LAMA5: variants seen among roughly 807,000 people sequenced by gnomAD.
LAMA5 encodes laminin subunit alpha-5.
LAMA5 carries 260 observed loss-of-function variants against 433.4 expected under a neutral mutation model. The observed-to-expected ratio is 0.60, with a 90% CI of 0.54 to 0.66. The LOEUF is 0.66. Among genes scored for constraint, LAMA5 ranks in the 30% least tolerant of loss-of-function variants. LAMA5 has a pLI of 0.00. For missense variants in LAMA5, 5,378 were observed against 5,258.5 expected (o/e 1.02, Z -0.70); for synonymous variants, 2,620 against 2,226.6 (o/e 1.18, Z -4.97).
Position 62,353,188 on chromosome 20 carries a change from G to A in LAMA5, c.514C>T (p.Leu172=), listed in dbSNP as rs776195083. 2 of 1,585,374 alleles carry A rather than the reference G, an allele frequency of 1.3e-6. No homozygotes were observed. The highest frequency in any genetic ancestry group is 2.3e-5 in the East Asian group (1 of 43,366). ...ANSPRPDLWV[L]ERSMDFGRTY... is the part of the protein sequence containing the mutation. ...CGGCCGAAGTCCATGGACCGCTCCAGCACCCAGAGGTCCGGCCGGGGTGAG... is the reference window on the plus strand; with the variant it reads ...CGGCCGAAGTCCATGGACCGCTCCAACACCCAGAGGTCCGGCCGGGGTGAG... The change falls in exon 3 of 80, where the codon CTG becomes TTG. Residue 172 remains leucine, a synonymous_variant. Coordinates refer to ENST00000252999, the MANE Select transcript of LAMA5 (RefSeq NM_005560.6).
intron 56 of LAMA5, 48 bp downstream of exon 56, chr20:62,316,834 G>A: frequency 6.5e-7 from 1 of 1,544,328 alleles, no homozygotes; most frequent in Non-Finnish European, 8.7e-7. Flanking sequence ...GGAGGTGCAG[G>A]CAGTGGGGGC....
chr20:62,363,237 G>T (rs1016430735), intron 1 of LAMA5, among the ~76,000 whole-genome samples: 1 of 152,220 alleles, frequency 6.6e-6, no homozygotes, highest in Non-Finnish European at 1.5e-5. Context: ...CGGCCCCAGA[G>T]TGGACGTGTG....
At chr20:62,311,831 C>T in intron 70 of LAMA5, 47 bp from the exon 71 acceptor site, 1 of 1,554,098 alleles carries the variant, frequency 6.4e-7, no homozygotes, top group Non-Finnish European at 8.7e-7. Flanking sequence ...ACCCTGCCCA[C>T]CCCCACCTCA....
At position 62,312,930 on chromosome 20, in the gene LAMA5, G is replaced by A. The variant is rs769696588; in HGVS notation, c.9036C>T (p.Val3012=). 1.3e-6 allele frequency: 2 copies of A among 1,581,094 alleles called. No individual in the cohort carries two copies. Among genetic ancestry groups the A allele is most frequent in the Admixed American group, 1.7e-5 (1 of 58,118 alleles). The change falls in exon 66 of 80, where the codon GTC becomes GTT. Residue 3012 remains valine, a synonymous_variant. Transcript: ENST00000252999. ...TCAGGGGCGGTGGGGGCTGCAGTGG[G>A]ACGGCCTTTTTCAGGCCAGCCCCAA... ...YDFGAGLKKA[V]PLQPPPPLTS...
intron 6 of LAMA5, among the ~76,000 whole-genome samples, chr20:62,348,954 G>A (rs1983774555): frequency 6.6e-6 from 1 of 152,122 alleles, no homozygotes; most frequent in African/African-American, 2.4e-5. Context: ...AGAAAGAATG[G>A]CCAAGGATGG....
chr20:62,313,577 C>T (rs966087790), intron 63 of LAMA5, 72 bp downstream of exon 63: 38 of 1,577,626 alleles, frequency 2.4e-5, no homozygotes, highest in African/African-American at 1.5e-4. Flanking sequence ...AAAGAACCCG[C>T]GGCTCTCCAG....
At position 62,309,314 on chromosome 20, in the gene LAMA5, A is replaced by G; in HGVS notation, c.*22T>C. 1 of 1,589,162 alleles carries G rather than the reference A, an allele frequency of 6.3e-7. No individual in the cohort carries two copies. The highest frequency in any genetic ancestry group is 8.5e-7 in the Non-Finnish European group (1 of 1,175,894). On this transcript the variant is annotated 3_prime_UTR_variant, in exon 80 of 80. Transcript: ENST00000252999. Reference sequence around the variant, plus strand: ...GTGAGGCAGCTGCAGGGGCCTGACCAGGGGCCGGGGTTGGCTGTGTCCTAG... The same window carrying G: ...GTGAGGCAGCTGCAGGGGCCTGACCGGGGGCCGGGGTTGGCTGTGTCCTAG...
At chr20:62,317,200 G>T in intron 55 of LAMA5, 145 bp downstream of exon 55, 2 of 1,174,758 alleles carry the variant, frequency 1.7e-6, no homozygotes, top group Non-Finnish European at 2.3e-6. Context: ...CTGGGCCCCA[G>T]CTTGCCGTGG....
In LAMA5 at chr20:62,312,627, C is replaced by T. The variant is rs762804039; in HGVS notation, c.9227+5G>A. On this transcript the variant is annotated splice_donor_5th_base_variant and intron_variant, in intron 67 of 79. Transcript: ENST00000252999. ...CTCGGAGCCCCAGCTGCGCACAGTGCTTACCTCGGGGGCAGCTGGTCGGGC... is the reference window on the plus strand; with the variant it reads ...CTCGGAGCCCCAGCTGCGCACAGTGTTTACCTCGGGGGCAGCTGGTCGGGC... The T allele has an allele frequency of 3.6e-5, 57 of 1,604,594 alleles. No homozygotes were observed. The highest frequency in any genetic ancestry group is 4.7e-5 in the Non-Finnish European group (55 of 1,177,092).
Position 62,323,850 on chromosome 20 carries a change from G to C in LAMA5, c.5775C>G (p.Ala1925=), listed in dbSNP as rs141907056. ...CPLSVPSNNF[A]EGCVLRGGRT... ...GGCCGCCTCGCAGGACACAGCCCTCGGCGAAGCTGCAAAGACCAGCAGCGT... is the reference window on the plus strand; with the variant it reads ...GGCCGCCTCGCAGGACACAGCCCTCCGCGAAGCTGCAAAGACCAGCAGCGT... Residue 1925 remains alanine (A), a synonymous_variant, in exon 44 of 80, where the codon GCC becomes GCG. Coordinates refer to ENST00000252999, the MANE Select transcript of LAMA5 (RefSeq NM_005560.6). 6.2e-7 allele frequency: 1 copy of C among 1,605,120 alleles called. No homozygotes were observed. Among genetic ancestry groups the C allele is most frequent in the Non-Finnish European group, 8.5e-7 (1 of 1,176,114 alleles).
At position 62,338,594 on chromosome 20, in the gene LAMA5, C is replaced by T. The variant is rs754468916; in HGVS notation, c.1492G>A (p.Ala498Thr). ...AGQIVNCDCS[A>T]AGTQGNACRK... Reference sequence around the variant, plus strand: ...CAGGCGTTGCCCTGGGTCCCTGCCGCGCTGCAGTCACAATCTGGAGGGTGG... The same window carrying T: ...CAGGCGTTGCCCTGGGTCCCTGCCGTGCTGCAGTCACAATCTGGAGGGTGG... The change falls in exon 12 of 80, where the codon GCG becomes ACG. Residue 498 changes from alanine (A) to threonine (T), a missense_variant. Coordinates refer to ENST00000252999, the MANE Select transcript of LAMA5 (RefSeq NM_005560.6). 22 of 1,610,048 alleles carry T rather than the reference C, an allele frequency of 1.4e-5. No individual in the cohort carries two copies. Among genetic ancestry groups the T allele is most frequent in the East Asian group, 2.2e-5 (1 of 44,826 alleles).
Position 62,327,346 on chromosome 20 carries a change from G to C in LAMA5, c.4999C>G (p.Arg1667Gly), listed in dbSNP as rs13039398. ...CGGAGCATCTCCGTCCCTGGCTGCC[G>C]CTCGTGGGGCACCACCTGCCGGTCA... ...STDRQVVPHE[R>G]QPGTEMLRAD... Residue 1667 changes from arginine to glycine, a missense_variant, in exon 38 of 80, where the codon CGG (arginine) becomes GGG (glycine). Arg to Gly is a moderately radical substitution (Grantham distance 125, BLOSUM62 -2). Transcript: ENST00000252999. 7.5e-6 allele frequency: 12 copies of C among 1,601,026 alleles called. No individual in the cohort carries two copies. The highest frequency in any genetic ancestry group is 1.0e-5 in the Non-Finnish European group (12 of 1,173,730).
Position 62,331,014 on chromosome 20 carries a change from C to CCCATTACCTG in LAMA5, c.3650+8_3650+17dup. 38 of 1,591,382 alleles carry CCCATTACCTG rather than the reference C, an allele frequency of 2.4e-5. No individual in the cohort carries two copies. The highest frequency in any genetic ancestry group is 3.2e-5 in the Non-Finnish European group (38 of 1,169,902). Reference sequence around the variant, plus strand: ...GGCCCTCGGCCGCGCCCCTCCCAGCCCCATTACCTGCCATTACCTGTTGGG... The same window carrying CCCATTACCTG: ...GGCCCTCGGCCGCGCCCCTCCCAGCCCCATTACCTGCCATTACCTGCCATTACCTGTTGGG... On this transcript the variant is annotated intron_variant, in intron 29 of 79. Coordinates refer to ENST00000252999, the MANE Select transcript of LAMA5 (RefSeq NM_005560.6).
At position 62,324,401 on chromosome 20, in the gene LAMA5, A is replaced by C. The variant is rs1033607885; in HGVS notation, c.5643+40T>G. ...CCCTGGCACACTTGACTGTGCCTTC[A>C]GTGAATGCTGCCCCCCTGGCCCCAC... On this transcript the variant is annotated intron_variant, in intron 42 of 79. Transcript: ENST00000252999. This position sits in a 1 kb window ranked among gnomAD's most constrained non-coding sequence, Gnocchi z 4.4. The C allele has an allele frequency of 1.3e-6, 2 of 1,522,018 alleles. No individual in the cohort carries two copies. Among genetic ancestry groups the C allele is most frequent in the African/African-American group, 2.7e-5 (2 of 72,902 alleles). 94.3% of individuals were successfully genotyped at this position (1,522,018 alleles called of 1,614,324 possible). A position where few individuals can be genotyped will look rare whatever the true frequency, so the allele number is the denominator to read the frequency against.
intron 58 of LAMA5, among the ~76,000 whole-genome samples, 182 bp from the exon 59 acceptor site, chr20:62,315,389 C>A (rs1848975588): frequency 6.6e-6 from 1 of 152,128 alleles, no homozygotes; most frequent in South Asian, 2.1e-4. Context: ...CCAGACGCCC[C>A]CTCCATGCCA....
chr20:62,321,957 G>C, intron 48 of LAMA5, 62 bp downstream of exon 48: 1 of 1,509,398 alleles, frequency 6.6e-7, no homozygotes, highest in South Asian at 1.1e-5. Flanking sequence ...GGGTCACCAG[G>C]CTGTGTGGGA....
Position 62,337,605 on chromosome 20 carries a change from A to C in LAMA5, c.2149T>G (p.Phe717Val). 1 of 1,609,452 alleles carries C rather than the reference A, an allele frequency of 6.2e-7. No homozygotes were observed. Among genetic ancestry groups the C allele is most frequent in the Non-Finnish European group, 8.5e-7 (1 of 1,178,532 alleles). The change falls in exon 16 of 80, where the codon TTC (phenylalanine) becomes GTC (valine). Residue 717 changes from phenylalanine (F) to valine (V), a missense_variant. By Grantham distance (50) the Phe-to-Val change is conservative (BLOSUM62 -1). Coordinates refer to ENST00000252999, the MANE Select transcript of LAMA5 (RefSeq NM_005560.6). ...CDTCVPGAYN[F>V]PYCEAGSCHP... ...GCCTGCTCACCTTCGCAGTAGGGGAAGTTGTAGGCACCGGGCACACATGTG... is the reference window on the plus strand; with the variant it reads ...GCCTGCTCACCTTCGCAGTAGGGGACGTTGTAGGCACCGGGCACACATGTG...
rs1601339013 is a variant in LAMA5 at position 62,328,732 on chromosome 20, G to A, written c.4447+112C>T. 6 of 1,112,686 alleles carry A rather than the reference G, an allele frequency of 5.4e-6. No homozygotes were observed. In the Admixed American group the frequency reaches 1.4e-4, roughly 25 times the overall value. 68.9% of individuals were successfully genotyped at this position (1,112,686 alleles called of 1,614,324 possible). ...GGCCCGCAGATGGGGCAGCAATGCTGCCCTGCCAGGCTCTAGAACATTCTC... is the reference window on the plus strand; with the variant it reads ...GGCCCGCAGATGGGGCAGCAATGCTACCCTGCCAGGCTCTAGAACATTCTC... On this transcript the variant is annotated intron_variant, in intron 34 of 79. Transcript: ENST00000252999.
In LAMA5 at chr20:62,337,813, T is replaced by A. The variant is rs750729444; in HGVS notation, c.2017A>T (p.Ser673Cys). The A allele has an allele frequency of 6.2e-7, 1 of 1,612,444 alleles. No individual in the cohort carries two copies. The highest frequency in any genetic ancestry group is 1.3e-5 in the African/African-American group (1 of 74,930). The stretch of plus-strand genomic sequence containing the variant: ...CTCCCTAGGCACTCACGGACACAGC[T>A]GGGGAAGCCGTGAAAGCCGGGGCTG... ...ECSPGFHGFP[S>C]CVPCHCSAEG... Residue 673 changes from serine (S) to cysteine (C), a missense_variant, in exon 15 of 80, where the codon AGC (serine) becomes TGC (cysteine). By Grantham distance (112) the Ser-to-Cys change is moderately radical. Transcript: ENST00000252999.
Sources: allele counts gnomAD v4.1 joint callset (sites outside exome capture counted in the v4.1 genomes callset), GRCh38; gene constraint gnomAD v4.1.1; non-coding constraint Gnocchi (gnomAD v3.1); transcripts MANE v1.5; gene names NCBI Gene and HGNC (gene_info 2026-07-23, HGNC 2026-07-21).